ANO4: variants seen among roughly 807,000 people sequenced by gnomAD.
The protein encoded by ANO4 is anoctamin 4.
A neutral mutation model predicts 141.9 loss-of-function variants in ANO4; 69 were observed. That is an observed-to-expected ratio of 0.49 (90% CI 0.40 to 0.59). The LOEUF (loss-of-function observed/expected upper bound fraction) is 0.59. Among genes scored for constraint, ANO4 ranks in the 20% least tolerant of loss-of-function variants. The pLI, the probability that ANO4 is intolerant of heterozygous loss-of-function variation, is 0.00. For missense variants in ANO4, 894 were observed against 1,162.2 expected, an observed-to-expected ratio of 0.77 and a Z score of 3.36; for synonymous variants, 350 against 394.3, an observed-to-expected ratio of 0.89 and a Z score of 1.33.
chr12:100,896,056 A>G (rs2040336036), intron 1 of ANO4, among the ~76,000 whole-genome samples: 1 of 152,110 alleles, frequency 6.6e-6, no homozygotes, highest in Non-Finnish European at 1.5e-5. Context: ...AACATCCCCA[A>G]GGATGGACAG....
At chr12:100,814,645 GA>G (rs2035629846) in intron 1 of ANO4, among the ~76,000 whole-genome samples, 1 of 152,040 alleles carries the variant, frequency 6.6e-6, no homozygotes. Flanking sequence ...CAATGGCCAA[GA>G]ATACTAGATT....
chr12:100,944,230 G>T (rs1340892187), intron 5 of ANO4, among the ~76,000 whole-genome samples: 1 of 152,128 alleles, frequency 6.6e-6, no homozygotes, highest in Non-Finnish European at 1.5e-5. Flanking sequence ...CACCTGTACT[G>T]CAGTGTTTAG....
At chr12:100,935,720 C>G (rs997310234) in intron 3 of ANO4, among the ~76,000 whole-genome samples, 4 of 152,162 alleles carry the variant, frequency 2.6e-5, no homozygotes, top group African/African-American at 9.7e-5. Context: ...AGCCCCGGTT[C>G]CTAGCTCAGC....
At chr12:100,980,380 A>G (rs1037272174) in intron 7 of ANO4, among the ~76,000 whole-genome samples, 1 of 152,202 alleles carries the variant, frequency 6.6e-6, no homozygotes, top group African/African-American at 2.4e-5. Context: ...ATTTCACATC[A>G]GAACAGACTG....
At chr12:100,987,401 A>G (rs2044754430) in intron 7 of ANO4, 138 bp from the exon 8 acceptor site, 4 of 1,098,228 alleles carry the variant, frequency 3.6e-6, no homozygotes, top group Non-Finnish European at 3.9e-6. Flanking sequence ...CCATCTATAA[A>G]ACAAGGATAT....
rs984305861 is a variant in ANO4, at chr12:100,866,832, G to T, written c.-140-34814G>T. Among the ~76,000 whole-genome samples the T allele has an allele frequency of 1.2e-4, 18 of 152,170 alleles. 1 individual carries two copies. Among genetic ancestry groups the T allele is most frequent in the Non-Finnish European group, 1.5e-5 (1 of 68,036 alleles). On this transcript the variant is annotated intron_variant, in intron 1 of 27. Coordinates refer to ENST00000392977, the MANE Select transcript of ANO4 (RefSeq NM_001286615.2). The stretch of plus-strand genomic sequence containing the variant: ...CCTTGTTCCTGGTCCTGTGCATTCT[G>T]GCTGAGGAGGAGATACGTTATACAA...
chr12:100,846,286 G>A (rs2037555949), intron 1 of ANO4, among the ~76,000 whole-genome samples: 1 of 152,036 alleles, frequency 6.6e-6, no homozygotes, highest in African/African-American at 2.4e-5. Context: ...TAGTTTTTGG[G>A]TAAACCAGTA....
At chr12:101,042,548 T>C in intron 12 of ANO4, 80 bp downstream of exon 12, 6 of 1,556,416 alleles carry the variant, frequency 3.9e-6, no homozygotes, top group Non-Finnish European at 5.3e-6. Context: ...ATTCACAGAT[T>C]GTGGAGACAT....
At chr12:100,873,250 G>A (rs1016221031) in intron 1 of ANO4, among the ~76,000 whole-genome samples, 1 of 152,340 alleles carries the variant, frequency 6.6e-6, no homozygotes, top group African/African-American at 2.4e-5. Context: ...AAAGATACCT[G>A]AAAATGTGGA....
At chr12:101,092,242 T>C (rs1329757208) in intron 17 of ANO4, among the ~76,000 whole-genome samples, 1 of 151,158 alleles carries the variant, frequency 6.6e-6, no homozygotes, top group Non-Finnish European at 1.5e-5. Context: ...AAAGTAAAAG[T>C]ACACCAGATA....
At chr12:100,956,729 T>C (rs992850900) in intron 5 of ANO4, among the ~76,000 whole-genome samples, 2 of 152,206 alleles carry the variant, frequency 1.3e-5, no homozygotes, top group African/African-American at 4.8e-5. Flanking sequence ...TATAAAAGGG[T>C]AACCTGTTAC....
chr12:100,971,179 G>A (rs1055686679), intron 5 of ANO4, 127 bp from the exon 6 acceptor site: 15 of 567,572 alleles, frequency 2.6e-5, no homozygotes, highest in Admixed American at 2.0e-4. Context: ...TAAGGGTCTG[G>A]CCTATTGGTG....
At chr12:101,074,736 C>G (rs940087057) in intron 14 of ANO4, among the ~76,000 whole-genome samples, 4 of 152,092 alleles carry the variant, frequency 2.6e-5, no homozygotes, top group Admixed American at 2.6e-4. Flanking sequence ...ATTTAATAGG[C>G]CCTGGTGTGT....
chr12:101,126,910 C>T lies in ANO4; in HGVS notation c.2708C>T (p.Ser903Leu). The change falls in exon 27 of 28, where the codon TCA (serine) becomes TTA (leucine). Residue 903 changes from serine (S) to leucine (L), a missense_variant. Ser to Leu is a moderately radical substitution (Grantham distance 145, BLOSUM62 -2). This residue lies in a region of ANO4 where 637 missense variants were observed against 909.2 expected (regional missense o/e 0.70). Transcript: ENST00000392977. ...HLVFCIKHLI[S>L]YLIPDLPKDL... ...GTGTTTTGTATAAAGCACCTCATTTCATATCTGATCCCAGACCTCCCAAAA... is the reference window on the plus strand; with the variant it reads ...GTGTTTTGTATAAAGCACCTCATTTTATATCTGATCCCAGACCTCCCAAAA... 5 of 1,614,106 alleles carry T rather than the reference C, an allele frequency of 3.1e-6. No homozygotes were observed. The highest frequency in any genetic ancestry group is 2.2e-5 in the East Asian group (1 of 44,880).
rs568056607 is a variant in ANO4, at chr12:100,958,221, C to A, written c.457-13085C>A. Among the ~76,000 whole-genome samples the A allele has an allele frequency of 1.4e-4, 22 of 152,318 alleles. No homozygotes were observed. The South Asian group carries it at 1.4e-3, about 10-fold the overall frequency. ...GCTGGAAAAAACATGCTGACTGGTTCACTTTACATCATGACCGCAGTCTCA... is the reference window on the plus strand; with the variant it reads ...GCTGGAAAAAACATGCTGACTGGTTAACTTTACATCATGACCGCAGTCTCA... On this transcript the variant is annotated intron_variant, in intron 5 of 27. Transcript: ENST00000392977.
At position 101,086,507 on chromosome 12, in the gene ANO4, C is replaced by A. The variant is rs112990755; in HGVS notation, c.1537-153C>A. ...AGAAAAAGGCAAGAGAAAGTATTAA[C>A]CACAATGAAAAGTATGCATTTGATT... On this transcript the variant is annotated intron_variant, in intron 16 of 27. Coordinates refer to ENST00000392977, the MANE Select transcript of ANO4 (RefSeq NM_001286615.2). Among the ~76,000 whole-genome samples the A allele has an allele frequency of 4.6e-5, 7 of 152,096 alleles. No individual in the cohort carries two copies. The East Asian group carries it at 9.6e-4, about 21-fold the overall frequency.
intron 17 of ANO4, among the ~76,000 whole-genome samples, chr12:101,092,366 G>A (rs1043086076): frequency 2.6e-5 from 4 of 152,186 alleles, no homozygotes; most frequent in Non-Finnish European, 4.4e-5. Flanking sequence ...GCTTTCTGCC[G>A]GTTACAGATA....
intron 3 of ANO4, among the ~76,000 whole-genome samples, chr12:100,780,328 C>T (rs150169238): frequency 3.3e-4 from 50 of 152,274 alleles, no homozygotes; most frequent in African/African-American, 1.0e-3. Flanking sequence ...ATTAGAGCAA[C>T]GGGGTGCAGC....
At chr12:100,872,507 A>G (rs907963606) in intron 1 of ANO4, among the ~76,000 whole-genome samples, 1 of 152,212 alleles carries the variant, frequency 6.6e-6, no homozygotes, top group Non-Finnish European at 1.5e-5. Flanking sequence ...GATTATGATG[A>G]TTAGCTATGG....
Sources: allele counts gnomAD v4.1 joint callset (sites outside exome capture counted in the v4.1 genomes callset), GRCh38; gene constraint gnomAD v4.1.1; regional missense constraint gnomAD v4.1.1; transcripts MANE v1.5; gene names NCBI Gene and HGNC (gene_info 2026-07-23, HGNC 2026-07-21).